The following PROS1 variants were observed in gnomAD, a reference collection of about 807,000 sequenced individuals.
The protein encoded by PROS1 is vitamin K-dependent protein S.
PROS1 carries 29 observed loss-of-function variants against 75.9 expected under a neutral mutation model. That is an observed-to-expected ratio of 0.38 (90% confidence interval 0.28 to 0.52). The LOEUF is 0.52. PROS1 is among the 20% of genes least tolerant of loss of function. The pLI is 0.83. For synonymous variants in PROS1, 245 were observed against 280.6 expected (o/e 0.87, Z 1.27); for missense variants, 680 against 810.3 (o/e 0.84, Z 1.95).
At chr3:93,950,329 G>C (rs558207865) in intron 1 of PROS1, among the ~76,000 whole-genome samples, 1 of 152,288 alleles carries the variant, frequency 6.6e-6, no homozygotes, top group South Asian at 2.1e-4. Context: ...GCTTTCAAGA[G>C]AGTAGTGGTT....
intron 1 of PROS1, among the ~76,000 whole-genome samples, chr3:93,954,996 C>A (rs1482398823): frequency 6.6e-6 from 1 of 152,212 alleles, no homozygotes. Flanking sequence ...CACTGGCCAT[C>A]AGAGAAATGC....
chr3:93,956,533 T>TCTACACACAC (rs1411361636), intron 1 of PROS1, among the ~76,000 whole-genome samples: 3 of 113,262 alleles, frequency 2.6e-5, no homozygotes, highest in East Asian at 5.3e-4. Flanking sequence ...TCTCTCTCTC[T>TCTACACACAC]ACACACACAC....
rs186702882 is a variant in PROS1 at position 93,963,065 on chromosome 3, A to T, written c.76+10609T>A. On this transcript the variant is annotated intron_variant, in intron 1 of 14. Transcript: ENST00000394236. ...ATCCAATTGTGCTCAAATTTTCTGA[A>T]GAGCAAGGTCCTCTTCAGAAGCTGC... Among the ~76,000 whole-genome samples the T allele has an allele frequency of 1.9e-4, 29 of 152,320 alleles. No individual in the cohort carries two copies. The East Asian group carries it at 5.6e-3, about 29-fold the overall frequency.
rs753550053 is a variant in PROS1, at chr3:93,905,772, T to C, written c.601+12A>G. On this transcript the variant is annotated intron_variant, in intron 6 of 14. Transcript: ENST00000394236. ...TAGTAAATGTGTTTTAATTCTACCA[T>C]CCTGCTCTTACCTTTACAATCTTTC... 6.2e-7 allele frequency: 1 copy of C among 1,609,986 alleles called. No individual in the cohort carries two copies. Among genetic ancestry groups the C allele is most frequent in the African/African-American group, 1.3e-5 (1 of 74,828 alleles).
At chr3:93,904,787 C>A (rs1437256018) in intron 6 of PROS1, among the ~76,000 whole-genome samples, 1 of 151,452 alleles carries the variant, frequency 6.6e-6, no homozygotes. Flanking sequence ...ATTAACACAG[C>A]CAAACTGAAA....
rs190802364 is a variant in PROS1 at position 93,924,290 on chromosome 3, T to C, written c.235-26A>G. 18 of 1,243,186 alleles carry C rather than the reference T, an allele frequency of 1.4e-5. No individual in the cohort carries two copies. In the Admixed American group the frequency reaches 3.9e-4, roughly 27 times the overall value. The allele number at this position is 1,243,186 out of a possible 1,614,324, so 77.0% of individuals were successfully genotyped here. The stretch of plus-strand genomic sequence containing the variant: ...CTAGAAAGAAGAAAAAGAAAACATA[T>C]CTTAGCAAACCTAAATTTCATTATA... On this transcript the variant is annotated intron_variant, in intron 2 of 14. Transcript: ENST00000394236.
Position 93,877,151 on chromosome 3 carries a change from A to G in PROS1, c.1685T>C (p.Ile562Thr). ...LSVENTVIYRIQALSLCSDQQ... is the reference protein window; with the variant it reads ...LSVENTVIYRTQALSLCSDQQ... ...ATCGGAACATAGACTTAGGGCCTGTATCCGATATATTACAGTATTTTCAAC... is the reference window on the plus strand; with the variant it reads ...ATCGGAACATAGACTTAGGGCCTGTGTCCGATATATTACAGTATTTTCAAC... The change falls in exon 14 of 15, where the codon ATA (isoleucine) becomes ACA (threonine). Residue 562 changes from isoleucine (I) to threonine (T), a missense_variant. Physicochemically the swap from Ile to Thr is moderately conservative, Grantham distance 89. Coordinates refer to ENST00000394236, the MANE Select transcript of PROS1 (RefSeq NM_000313.4). 1 of 1,610,340 alleles carries G rather than the reference A, an allele frequency of 6.2e-7. No homozygotes were observed. Among genetic ancestry groups the G allele is most frequent in the East Asian group, 2.2e-5 (1 of 44,846 alleles).
Position 93,877,090 on chromosome 3 carries a change from G to T in PROS1, c.1746C>A (p.Asn582Lys). 6.2e-7 allele frequency: 1 copy of T among 1,612,844 alleles called. No individual in the cohort carries two copies. The highest frequency in any genetic ancestry group is 1.1e-5 in the South Asian group (1 of 91,058). ...QSHLEFRVNRNNLELSTPLKI... is the reference protein window; with the variant it reads ...QSHLEFRVNRKNLELSTPLKI... ...TAAGTGGTGTCGACAACTCCAGATTGTTTCTGTTGACTCTAAATTCCAGAT... is the reference window on the plus strand; with the variant it reads ...TAAGTGGTGTCGACAACTCCAGATTTTTTCTGTTGACTCTAAATTCCAGAT... Residue 582 changes from asparagine (N) to lysine (K), a missense_variant, in exon 14 of 15, where the codon AAC becomes AAA. Transcript: ENST00000394236.
At chr3:93,959,029 T>G (rs934978423) in intron 1 of PROS1, among the ~76,000 whole-genome samples, 1 of 152,196 alleles carries the variant, frequency 6.6e-6, no homozygotes, top group Non-Finnish European at 1.5e-5. Context: ...CTTTTGTAAT[T>G]TAAAGTTGAA....
At chr3:93,964,488 A>T (rs1226189185) in intron 1 of PROS1, among the ~76,000 whole-genome samples, 1 of 152,160 alleles carries the variant, frequency 6.6e-6, no homozygotes, top group Non-Finnish European at 1.5e-5. Flanking sequence ...CCTCAGGCTT[A>T]CTAGGGTGGG....
chr3:93,875,492 C>A (rs1309270711), intron 14 of PROS1, among the ~76,000 whole-genome samples: 1 of 152,118 alleles, frequency 6.6e-6, no homozygotes, highest in Non-Finnish European at 1.5e-5. Flanking sequence ...CTTTTAAACT[C>A]TTTGTTGGTT....
intron 1 of PROS1, among the ~76,000 whole-genome samples, chr3:93,936,790 G>T (rs1489543073): frequency 6.6e-6 from 1 of 152,206 alleles, no homozygotes; most frequent in Non-Finnish European, 1.5e-5. Context: ...GGCATACAAA[G>T]TGATGCTTAT....
At chr3:93,889,987 C>A (rs532316570) in intron 10 of PROS1, among the ~76,000 whole-genome samples, 1 of 152,114 alleles carries the variant, frequency 6.6e-6, no homozygotes, top group South Asian at 2.1e-4. Flanking sequence ...AGCCTACAAA[C>A]GGACCTGCAA....
intron 1 of PROS1, among the ~76,000 whole-genome samples, chr3:93,961,932 G>A (rs1162808907): frequency 5.9e-5 from 9 of 152,136 alleles, no homozygotes; most frequent in South Asian, 2.1e-4. Flanking sequence ...AATTTTTTAC[G>A]TCACCCCTAC....
chr3:93,907,233 C>G (rs1032525857), intron 4 of PROS1, among the ~76,000 whole-genome samples: 1 of 152,192 alleles, frequency 6.6e-6, no homozygotes, highest in Non-Finnish European at 1.5e-5. Flanking sequence ...ATAAAAACCC[C>G]AGACTCAGCC....
intron 1 of PROS1, among the ~76,000 whole-genome samples, chr3:93,970,434 C>G (rs1709860758): frequency 6.6e-6 from 1 of 152,178 alleles, no homozygotes; most frequent in Non-Finnish European, 1.5e-5. Context: ...CTCCTGGGCT[C>G]AAGTGATCTT....
chr3:93,874,631 C>T (rs1248083345), intron 14 of PROS1, among the ~76,000 whole-genome samples: 3 of 152,070 alleles, frequency 2.0e-5, no homozygotes, highest in African/African-American at 7.2e-5. Context: ...TTCATAAACA[C>T]AATTAGTTCC....
At chr3:93,876,588 C>CAAAA (rs34147087) in intron 14 of PROS1, among the ~76,000 whole-genome samples, 61 of 34,968 alleles carry the variant, frequency 1.7e-3, no homozygotes, top group South Asian at 2.3e-3. Context: ...GACTCCATCT[C>CAAAA]AAAAAAAAAA....
intron 1 of PROS1, among the ~76,000 whole-genome samples, chr3:93,966,190 G>A (rs551971276): frequency 6.6e-6 from 1 of 152,228 alleles, no homozygotes; most frequent in South Asian, 2.1e-4. Context: ...CCCTCACTAT[G>A]GGCAGACATA....
Sources: allele counts gnomAD v4.1 joint callset (sites outside exome capture counted in the v4.1 genomes callset), GRCh38; gene constraint gnomAD v4.1.1; transcripts MANE v1.5; gene names NCBI Gene and HGNC (gene_info 2026-07-23, HGNC 2026-07-21).